The following APLF variants were observed in gnomAD, a reference collection of about 807,000 sequenced individuals.
APLF encodes the protein aprataxin and PNKP like factor, also known as aprataxin and PNK-like factor.
Under a neutral mutation model 55.6 loss-of-function variants are expected in APLF, and 61 were observed. That is an observed-to-expected ratio of 1.10 (90% CI 0.89 to 1.36). The LOEUF (loss-of-function observed/expected upper bound fraction) is 1.36. APLF is among the 40% of genes most tolerant of loss of function. APLF has a pLI of 0.00. For synonymous variants in APLF, 207 were observed against 214.8 expected, an observed-to-expected ratio of 0.96 and a Z score of 0.32; for missense variants, 611 against 602.5, an observed-to-expected ratio of 1.01 and a Z score of -0.15.
At position 68,550,525 on chromosome 2, in the gene APLF, C is replaced by T. The variant is rs143390446; in HGVS notation, c.1286+5213C>T. Among the ~76,000 whole-genome samples the T allele has an allele frequency of 7.8e-3, 1,182 of 152,258 alleles. 15 individuals carry two copies. The highest frequency in any genetic ancestry group is 0.027 in the African/African-American group (1,128 of 41,540). ...GGGATTACATGCGTGAGCCACCACACCAACCCCATTTACATTTAATACTAT... is the reference window on the plus strand; with the variant it reads ...GGGATTACATGCGTGAGCCACCACATCAACCCCATTTACATTTAATACTAT... On this transcript the variant is annotated intron_variant, in intron 8 of 9. Coordinates refer to ENST00000303795, the MANE Select transcript of APLF (RefSeq NM_173545.3).
intron 9 of APLF, among the ~76,000 whole-genome samples, chr2:68,574,498 C>T (rs764978313): frequency 1.4e-4 from 21 of 152,248 alleles, no homozygotes; most frequent in Non-Finnish European, 2.4e-4. Flanking sequence ...CTTGGCTCTT[C>T]AAGTGTTTTC....
intron 8 of APLF, chr2:68,563,033 T>C: frequency 2.0e-6 from 2 of 983,160 alleles, no homozygotes; most frequent in South Asian, 9.4e-5. Flanking sequence ...TAGATACTCT[T>C]TTCCTTCATT....
chr2:68,548,747 T>C (rs1337526102), intron 8 of APLF, among the ~76,000 whole-genome samples: 1 of 151,260 alleles, frequency 6.6e-6, no homozygotes, highest in African/African-American at 2.4e-5. Flanking sequence ...TTTCATTTGT[T>C]AAAAAAAAAC....
At chr2:68,506,831 A>G (rs566457465) in intron 3 of APLF, among the ~76,000 whole-genome samples, 18 of 152,162 alleles carry the variant, frequency 1.2e-4, no homozygotes, top group African/African-American at 3.6e-4. Context: ...ATGAACTAAG[A>G]GAGAGCTCAG....
chr2:68,550,054 A>G (rs1670812925), intron 8 of APLF, among the ~76,000 whole-genome samples: 1 of 152,174 alleles, frequency 6.6e-6, no homozygotes, highest in Admixed American at 6.6e-5. Flanking sequence ...TGTCTAATAT[A>G]ATATAACTAC....
Position 68,502,772 on chromosome 2 carries a change from T to C in APLF, c.210T>C (p.Ser70=). ...GTTTTTACCAGTCTTCAGAGAAGAG[T>C]CAGCTCTTACCATTGAAGCCAAATC... ...NPCFYQSSEK[S]QLLPLKPNLW... is the part of the protein sequence containing the mutation. Residue 70 remains serine, a synonymous_variant, in exon 3 of 10, where the codon AGT becomes AGC. Transcript: ENST00000303795. 2 of 1,595,506 alleles carry C rather than the reference T, an allele frequency of 1.3e-6. No homozygotes were observed. The highest frequency in any genetic ancestry group is 1.7e-6 in the Non-Finnish European group (2 of 1,174,088).
rs140729427 is a variant in APLF at position 68,536,439 on chromosome 2, A to G, written c.805-1433A>G. On this transcript the variant is annotated intron_variant, in intron 6 of 9. Coordinates refer to ENST00000303795, the MANE Select transcript of APLF (RefSeq NM_173545.3). ...CTCTTTTTCAGATGGCATCCAGCAT[A>G]CATGAGTCTTTAGTTATAAGTGGAA... Among the ~76,000 whole-genome samples, 61 of 152,336 alleles carry G rather than the reference A, an allele frequency of 4.0e-4. 2 individuals are homozygous for G. In the East Asian group the frequency reaches 0.011, roughly 26 times the overall value.
intron 1 of APLF, among the ~76,000 whole-genome samples, chr2:68,473,313 T>G (rs1049346607): frequency 2.0e-5 from 3 of 152,222 alleles, no homozygotes; most frequent in African/African-American, 7.2e-5. Context: ...TAATATGTAT[T>G]TAAGGTTCCT....
chr2:68,516,531 C>T (rs1019427803), intron 5 of APLF, among the ~76,000 whole-genome samples: 10 of 151,026 alleles, frequency 6.6e-5, no homozygotes, highest in Admixed American at 1.3e-4. Flanking sequence ...GATTTTGGTG[C>T]ACCCATTACC....
chr2:68,568,011 T>G (rs778066560), intron 9 of APLF, among the ~76,000 whole-genome samples: 7 of 152,034 alleles, frequency 4.6e-5, no homozygotes, highest in Non-Finnish European at 1.0e-4. Context: ...TTTGTACCGC[T>G]CCTGAAACCA....
chr2:68,572,334 G>T (rs1227010842), intron 9 of APLF, among the ~76,000 whole-genome samples: 1 of 152,026 alleles, frequency 6.6e-6, no homozygotes, highest in Non-Finnish European at 1.5e-5. Context: ...TATTAAAAAT[G>T]TTTGTTCTTG....
intron 8 of APLF, among the ~76,000 whole-genome samples, chr2:68,548,412 T>C (rs983233215): frequency 9.2e-5 from 14 of 151,926 alleles, no homozygotes; most frequent in Non-Finnish European, 1.5e-4. Flanking sequence ...TGCTTTTTGC[T>C]TGGTAACATA....
At chr2:68,547,104 G>C (rs1670729164) in intron 8 of APLF, among the ~76,000 whole-genome samples, 1 of 151,560 alleles carries the variant, frequency 6.6e-6, no homozygotes, top group Non-Finnish European at 1.5e-5. Flanking sequence ...GCATTAACCG[G>C]TAAGAAAATA....
intron 9 of APLF, among the ~76,000 whole-genome samples, chr2:68,576,853 G>C (rs944471694): frequency 2.0e-5 from 3 of 152,094 alleles, no homozygotes; most frequent in Non-Finnish European, 4.4e-5. Flanking sequence ...TACATTTGCT[G>C]TTCATTAGGG....
intron 3 of APLF, among the ~76,000 whole-genome samples, chr2:68,512,116 G>A (rs1053218894): frequency 2.6e-5 from 4 of 151,666 alleles, no homozygotes; most frequent in Non-Finnish European, 5.9e-5. Context: ...CACTAAAAAT[G>A]ATAATATAGT....
chr2:68,496,884 C>T (rs1394427349), intron 2 of APLF, among the ~76,000 whole-genome samples: 1 of 152,206 alleles, frequency 6.6e-6, no homozygotes, highest in African/African-American at 2.4e-5. Flanking sequence ...GGTCATTTAA[C>T]CAATCTCTAA....
rs535716270 is a variant in APLF at position 68,519,139 on chromosome 2, TTA to T, written c.622+5470_622+5471del. ...TATATAAAACATATAATTTGACATT[TTA>T]TATATATATAAAGACTTGACCAAAA... On this transcript the variant is annotated intron_variant, in intron 5 of 9. Coordinates refer to ENST00000303795, the MANE Select transcript of APLF (RefSeq NM_173545.3). Among the ~76,000 whole-genome samples the T allele has an allele frequency of 6.2e-3, 815 of 130,772 alleles. 6 individuals are homozygous for T. Among genetic ancestry groups the T allele is most frequent in the African/African-American group, 0.024 (771 of 32,748 alleles). The allele number at this position is 130,772 out of a possible 152,430, so 85.8% of individuals were successfully genotyped here.
chr2:68,521,605 G>A (rs1669899510), intron 5 of APLF, among the ~76,000 whole-genome samples: 1 of 151,786 alleles, frequency 6.6e-6, no homozygotes, highest in South Asian at 2.1e-4. Context: ...TGTTCTTTCA[G>A]CCTTCCAGGC....
chr2:68,492,501 CTAA>C (rs1676404293), intron 2 of APLF, among the ~76,000 whole-genome samples: 1 of 151,908 alleles, frequency 6.6e-6, no homozygotes, highest in Non-Finnish European at 1.5e-5. Flanking sequence ...AAAAAGAGTA[CTAA>C]TAATGTAAAA....
Sources: gnomAD v4.1 joint callset for allele counts (sites outside exome capture counted in the v4.1 genomes callset) on GRCh38, gnomAD v4.1.1 for gene constraint, MANE v1.5 for transcripts, NCBI Gene and HGNC (gene_info 2026-07-23, HGNC 2026-07-21) for gene names.